The following WRN variants were observed in gnomAD, a reference collection of about 807,000 sequenced individuals.
WRN encodes the protein WRN RecQ like helicase, also known as bifunctional 3'-5' exonuclease/ATP-dependent helicase WRN.
Under a neutral mutation model 180.7 loss-of-function variants are expected in WRN, and 149 were observed. The ratio of observed to expected loss-of-function variants is 0.82; its 90% CI spans 0.72 to 0.94. The LOEUF (loss-of-function observed/expected upper bound fraction) is 0.94, where lower values mean the gene tolerates loss of function less well. Among genes scored for constraint, WRN ranks in the 40% least tolerant of loss-of-function variants. The pLI is 0.00. For synonymous variants in WRN, 548 were observed against 568.9 expected, an observed-to-expected ratio of 0.96 and a Z score of 0.52; for missense variants, 1,661 against 1,700.1, an observed-to-expected ratio of 0.98 and a Z score of 0.40.
chr8:31,173,312 A>C lies in WRN; in HGVS notation c.*210A>C. 1 of 552,694 alleles carries C rather than the reference A, an allele frequency of 1.8e-6. No individual in the cohort carries two copies. The highest frequency in any genetic ancestry group is 3.2e-5 in the Admixed American group (1 of 31,592). The allele number at this position is 552,694 out of a possible 1,614,324, so 34.2% of individuals were successfully genotyped here. On this transcript the variant is annotated 3_prime_UTR_variant, in exon 35 of 35. Transcript: ENST00000298139. The stretch of plus-strand genomic sequence containing the variant: ...GGGAGCCTACGTGAGTACATCACCT[A>C]ACAGAATATTAAATTAGACTTCCTG...
intron 24 of WRN, among the ~76,000 whole-genome samples, chr8:31,138,871 A>G (rs1802498382): frequency 6.6e-6 from 1 of 152,194 alleles, no homozygotes; most frequent in South Asian, 2.1e-4. Context: ...TCTGGTGGGA[A>G]CTTACCCTGC....
At chr8:31,047,138 A>ATTT (rs549940818) in intron 1 of WRN, among the ~76,000 whole-genome samples, 12 of 115,272 alleles carry the variant, frequency 1.0e-4, no homozygotes, top group Non-Finnish European at 1.4e-4. Context: ...GGCAATGCTG[A>ATTT]TTTTTTTTTT....
intron 31 of WRN, among the ~76,000 whole-genome samples, chr8:31,154,380 G>A (rs1803285919): frequency 6.6e-6 from 1 of 151,956 alleles, no homozygotes; most frequent in East Asian, 1.9e-4. Context: ...TTAAAGAAAA[G>A]ACTAGGAAAT....
At chr8:31,161,469 A>G (rs181451405) in intron 33 of WRN, among the ~76,000 whole-genome samples, 5 of 152,340 alleles carry the variant, frequency 3.3e-5, no homozygotes, top group African/African-American at 4.8e-5. Context: ...ACTGTAGGCA[A>G]TTATAACACA....
At chr8:31,133,578 A>G (rs1286978196) in intron 24 of WRN, among the ~76,000 whole-genome samples, 5 of 152,116 alleles carry the variant, frequency 3.3e-5, no homozygotes, top group Non-Finnish European at 4.4e-5. Flanking sequence ...AATATTTTTA[A>G]TGAAATATAT....
At chr8:31,144,979 TGA>T (rs1197264374) in intron 28 of WRN, among the ~76,000 whole-genome samples, 1 of 152,172 alleles carries the variant, frequency 6.6e-6, no homozygotes, top group Non-Finnish European at 1.5e-5. Flanking sequence ...CTCTGAAAGC[TGA>T]GAGAGGTGAG....
At chr8:31,149,806 A>G (rs1375208977) in intron 30 of WRN, among the ~76,000 whole-genome samples, 2 of 152,128 alleles carry the variant, frequency 1.3e-5, no homozygotes, top group Admixed American at 1.3e-4. Flanking sequence ...AATAATAATC[A>G]TTAGATAGGC....
intron 19 of WRN, among the ~76,000 whole-genome samples, chr8:31,113,062 T>G (rs1686843659): frequency 6.6e-6 from 1 of 151,470 alleles, no homozygotes; most frequent in Non-Finnish European, 1.5e-5. Flanking sequence ...AAAAATTAGC[T>G]GGGCATGGTG....
In WRN at chr8:31,068,258, G is replaced by T; in HGVS notation, c.655G>T (p.Ala219Ser). The T allele has an allele frequency of 6.2e-7, 1 of 1,602,418 alleles. No homozygotes were observed. The highest frequency in any genetic ancestry group is 1.1e-5 in the South Asian group (1 of 90,100). ...QKLYAATDAY[A>S]GFIIYRNLEI... ...TTTAAATTTTTCTGTTTTTTTATAG[G>T]CTGGTTTTATTATTTACCGAAATTT... Residue 219 changes from alanine to serine, a missense_variant and splice_region_variant, in exon 7 of 35, where the codon GCT becomes TCT. This residue lies in a region of WRN where 500 missense variants were observed against 504.1 expected (regional missense o/e 0.99). Transcript: ENST00000298139.
intron 23 of WRN, among the ~76,000 whole-genome samples, chr8:31,127,540 A>T (rs1672704444): frequency 1.6e-4 from 1 of 6,412 alleles, no homozygotes. Context: ...CTGTGTAATG[A>T]CAAATACTTC....
At chr8:31,065,188 A>G in intron 5 of WRN, 125 bp downstream of exon 5, 3 of 960,772 alleles carry the variant, frequency 3.1e-6, no homozygotes, top group Non-Finnish European at 3.0e-6. Context: ...TGTAGCAATA[A>G]AAAAGTTCCA....
intron 9 of WRN, among the ~76,000 whole-genome samples, chr8:31,082,522 A>AT (rs1813356380): frequency 6.6e-6 from 1 of 151,858 alleles, no homozygotes; most frequent in Admixed American, 6.6e-5. Context: ...TTTCCCTTTG[A>AT]TTTTCTAGGA....
intron 18 of WRN, among the ~76,000 whole-genome samples, chr8:31,108,584 T>C (rs909877546): frequency 6.6e-6 from 1 of 152,112 alleles, no homozygotes; most frequent in Non-Finnish European, 1.5e-5. Flanking sequence ...AAAATACATT[T>C]AAGATTATAA....
intron 34 of WRN, among the ~76,000 whole-genome samples, chr8:31,172,210 C>T (rs11574403): frequency 0.015 from 2,301 of 152,170 alleles, 47 homozygotes; most frequent in African/African-American, 0.05. Context: ...GGCTGGAGTG[C>T]AGTGGCGTGA....
chr8:31,092,036 G>A (rs928096220), intron 16 of WRN, 138 bp downstream of exon 16: 1 of 789,012 alleles, frequency 1.3e-6, no homozygotes, highest in African/African-American at 1.7e-5. Flanking sequence ...TCAGATGTCT[G>A]TGGTATATGA....
chr8:31,071,353 G>C (rs1033376439), intron 7 of WRN, among the ~76,000 whole-genome samples: 1 of 152,206 alleles, frequency 6.6e-6, no homozygotes, highest in Middle Eastern at 3.4e-3. Flanking sequence ...AATAAAAAAC[G>C]GATATAGGAG....
Position 31,141,533 on chromosome 8 carries a change from C to T in WRN, c.3071C>T (p.Thr1024Ile). ...AAGGCTTTTTCCCGTCAGCTGATCA[C>T]TGAGGGATTCTTGGTAGAAGTTTCT... Reference protein sequence around the residue: ...WWKAFSRQLITEGFLVEVSRY... With the variant: ...WWKAFSRQLIIEGFLVEVSRY... The change falls in exon 25 of 35, where the codon ACT becomes ATT. Residue 1024 changes from threonine (T) to isoleucine (I), a missense_variant. Around this residue, in one of 3 missense-constraint regions of WRN, gnomAD observed 1,141 missense variants for 1,149.4 expected, o/e 0.99. Transcript: ENST00000298139. 2.5e-6 allele frequency: 4 copies of T among 1,614,134 alleles called. No individual in the cohort carries two copies. The highest frequency in any genetic ancestry group is 2.2e-5 in the South Asian group (2 of 91,064).
chr8:31,106,169 C>T (rs1157569420), intron 18 of WRN, among the ~76,000 whole-genome samples: 4 of 152,164 alleles, frequency 2.6e-5, no homozygotes, highest in Non-Finnish European at 5.9e-5. Flanking sequence ...GTAAGGAAAT[C>T]TCGTGAGGTC....
At chr8:31,078,820 C>T (rs944043852) in intron 8 of WRN, among the ~76,000 whole-genome samples, 2 of 152,172 alleles carry the variant, frequency 1.3e-5, no homozygotes, top group African/African-American at 4.8e-5. Context: ...CTGTGCCTTA[C>T]TGAAGAAGGC....
Sources: gnomAD v4.1 joint callset for allele counts (sites outside exome capture counted in the v4.1 genomes callset) on GRCh38, gnomAD v4.1.1 for gene constraint, gnomAD v4.1.1 regional missense constraint, MANE v1.5 for transcripts, NCBI Gene and HGNC (gene_info 2026-07-23, HGNC 2026-07-21) for gene names.